Variants in CMSS1 observed in about 807,000 individuals in gnomAD.
CMSS1 encodes the protein cms1 ribosomal small subunit homolog, also known as protein CMSS1.
CMSS1 carries 33 observed loss-of-function variants against 43.5 expected under a neutral mutation model. The ratio of observed to expected loss-of-function variants is 0.76; its 90% CI spans 0.57 to 1.01. The LOEUF is 1.01. Ranked by LOEUF, CMSS1 falls within the 50% of genes least tolerant of loss-of-function variation. The pLI is 0.00. For missense variants in CMSS1, 313 were observed against 326.4 expected, an observed-to-expected ratio of 0.96 and a Z score of 0.32; for synonymous variants, 115 against 117.2, an observed-to-expected ratio of 0.98 and a Z score of 0.12.
At chr3:99,833,195 T>A in intron 1 of CMSS1, 1 of 1,587,880 alleles carries the variant, frequency 6.3e-7, no homozygotes, top group Non-Finnish European at 8.6e-7. Flanking sequence ...ACATGAAGAC[T>A]GGGATTTGGA....
At chr3:100,164,209 A>G (rs2107528054) in intron 4 of CMSS1, among the ~76,000 whole-genome samples, 2 of 152,340 alleles carry the variant, frequency 1.3e-5, no homozygotes, top group South Asian at 4.1e-4. Context: ...TATCACAGGA[A>G]CTATTCTAAC....
chr3:100,060,778 C>T (rs368766401), intron 1 of CMSS1, among the ~76,000 whole-genome samples: 2 of 152,052 alleles, frequency 1.3e-5, no homozygotes, highest in Non-Finnish European at 2.9e-5. Context: ...GGGAGGATAA[C>T]GAGCGTGGGA....
chr3:100,048,430 G>C (rs1029634041), intron 1 of CMSS1, among the ~76,000 whole-genome samples: 10 of 152,120 alleles, frequency 6.6e-5, no homozygotes, highest in African/African-American at 1.2e-4. Flanking sequence ...GAAGAGTAGA[G>C]CCAGCTCTTC....
intron 1 of CMSS1, among the ~76,000 whole-genome samples, chr3:99,939,144 G>C (rs2107674196): frequency 6.6e-6 from 1 of 152,288 alleles, no homozygotes; most frequent in Non-Finnish European, 1.5e-5. Context: ...GCCACAGAGA[G>C]AAAATCAAAT....
intron 1 of CMSS1, among the ~76,000 whole-genome samples, chr3:100,015,279 T>C (rs1262194510): frequency 6.6e-6 from 1 of 152,180 alleles, no homozygotes; most frequent in Non-Finnish European, 1.5e-5. Context: ...AGTACCATGC[T>C]GTTTTGATTA....
intron 1 of CMSS1, among the ~76,000 whole-genome samples, chr3:99,987,233 G>C (rs537462626): frequency 5.2e-4 from 65 of 125,500 alleles, no homozygotes; most frequent in African/African-American, 1.9e-3. Context: ...TGTCTCTTAA[G>C]GGGAAAAAAA....
intron 1 of CMSS1, among the ~76,000 whole-genome samples, chr3:100,067,820 C>T (rs2065692241): frequency 6.6e-6 from 1 of 152,056 alleles, no homozygotes. Context: ...TTCAAAGAGG[C>T]TTTAATGGCC....
chr3:100,072,108 C>T (rs1401176371), intron 1 of CMSS1, among the ~76,000 whole-genome samples: 4 of 152,148 alleles, frequency 2.6e-5, no homozygotes, highest in Admixed American at 6.5e-5. Context: ...GACTCATCAC[C>T]CACTTGAGCG....
intron 1 of CMSS1, among the ~76,000 whole-genome samples, chr3:99,927,449 G>A (rs1432517848): frequency 1.3e-5 from 2 of 151,126 alleles, no homozygotes; most frequent in South Asian, 2.1e-4. Context: ...AGCTCATCGC[G>A]ATCTCCGCCT....
At chr3:100,169,799 A>G (rs1434862808) in intron 6 of CMSS1, among the ~76,000 whole-genome samples, 6 of 152,256 alleles carry the variant, frequency 3.9e-5, no homozygotes, top group Admixed American at 2.6e-4. Flanking sequence ...AGTGCTTTAA[A>G]AACTACCTCA....
rs754390359 is a variant in CMSS1, at chr3:100,162,385, A to T, written c.308A>T (p.Tyr103Phe). ...CTACAGAAGCTGATGAAGGACTATT[A>T]TAGCAGCAGACGCTTGGTGATTGAA... is the stretch of plus-strand genomic sequence containing the variant. ...EDLQKLMKDY[Y>F]SSRRLVIELE... The change falls in exon 4 of 10, where the codon TAT becomes TTT. Residue 103 changes from tyrosine (Y) to phenylalanine (F), a missense_variant. Coordinates refer to ENST00000421999, the MANE Select transcript of CMSS1 (RefSeq NM_032359.4). The T allele has an allele frequency of 6.2e-7, 1 of 1,613,614 alleles. No homozygotes were observed.
chr3:99,850,170 A>G (rs779321908), intron 1 of CMSS1: 1 of 1,610,836 alleles, frequency 6.2e-7, no homozygotes, highest in East Asian at 2.2e-5. Flanking sequence ...TTTTCCGTTC[A>G]TCTACAAACA....
At chr3:100,025,803 A>T (rs2064909841) in intron 1 of CMSS1, among the ~76,000 whole-genome samples, 1 of 152,174 alleles carries the variant, frequency 6.6e-6, no homozygotes, top group African/African-American at 2.4e-5. Flanking sequence ...GCTCTGCTGT[A>T]GTCGACCTCC....
chr3:99,942,405 G>A (rs1707876716), intron 1 of CMSS1, among the ~76,000 whole-genome samples: 1 of 152,258 alleles, frequency 6.6e-6, no homozygotes, highest in South Asian at 2.1e-4. Flanking sequence ...GCAAAATATT[G>A]AGGATCTCTG....
intron 1 of CMSS1, among the ~76,000 whole-genome samples, chr3:99,947,024 A>G (rs1158074861): frequency 1.3e-5 from 2 of 151,306 alleles, no homozygotes; most frequent in East Asian, 2.0e-4. Context: ...GTAATCCCAG[A>G]TACTCGGGAG....
chr3:100,040,845 G>A (rs2065192736), intron 1 of CMSS1: 1 of 152,188 alleles, frequency 6.6e-6, no homozygotes, highest in African/African-American at 2.4e-5. Flanking sequence ...GAGAAACTTT[G>A]TCAGTGGCTG....
chr3:99,987,935 G>A (rs1349495595), intron 1 of CMSS1, among the ~76,000 whole-genome samples: 2 of 152,198 alleles, frequency 1.3e-5, no homozygotes, highest in African/African-American at 4.8e-5. Context: ...ATTCTTGAAA[G>A]ATGTTGAGGA....
intron 1 of CMSS1, among the ~76,000 whole-genome samples, chr3:99,922,716 T>C (rs543095592): frequency 6.6e-6 from 1 of 152,326 alleles, no homozygotes; most frequent in African/African-American, 2.4e-5. Context: ...TATGGATGCT[T>C]ATACTGTCTA....
chr3:100,087,723 TGAA>T (rs1470285300), intron 1 of CMSS1, among the ~76,000 whole-genome samples: 1 of 152,156 alleles, frequency 6.6e-6, no homozygotes, highest in African/African-American at 2.4e-5. Flanking sequence ...GAAAAGTTTT[TGAA>T]GAAGACCAAT....
Sources: allele counts gnomAD v4.1 joint callset (sites outside exome capture counted in the v4.1 genomes callset), GRCh38; gene constraint gnomAD v4.1.1; transcripts MANE v1.5; gene names NCBI Gene and HGNC (gene_info 2026-07-23, HGNC 2026-07-21).